The following KCNH5 variants were observed in gnomAD, a reference collection of about 807,000 sequenced individuals.
The protein encoded by KCNH5 is voltage-gated delayed rectifier potassium channel KCNH5.
In KCNH5, 46 loss-of-function variants were observed where a neutral mutation model predicts 96.1. The observed-to-expected ratio is 0.48, with a 90% CI of 0.38 to 0.61. The LOEUF (loss-of-function observed/expected upper bound fraction) is 0.61. Ranked by LOEUF, KCNH5 falls within the 20% of genes least tolerant of loss-of-function variation. The pLI is 0.00. For synonymous variants in KCNH5, 439 were observed against 449.8 expected (o/e 0.98, Z 0.30); for missense variants, 907 against 1,225.8 (o/e 0.74, Z 3.88).
At chr14:62,898,462 C>G (rs1888858955) in intron 7 of KCNH5, among the ~76,000 whole-genome samples, 1 of 151,860 alleles carries the variant, frequency 6.6e-6, no homozygotes, top group African/African-American at 2.4e-5. Context: ...AAAAGTCATT[C>G]TAAAGGAAAA....
rs1418614445 is a variant in KCNH5 at position 62,805,190 on chromosome 14, C to A, written c.1570-2609G>T. ...CATAGGACTTTCATTGTTTTCTATT[C>A]ATTTTGGTAATAGTCATGTTATTTC... On this transcript the variant is annotated intron_variant, in intron 8 of 10. Coordinates refer to ENST00000322893, the MANE Select transcript of KCNH5 (RefSeq NM_139318.5). Among the ~76,000 whole-genome samples the A allele has an allele frequency of 2.0e-5, 3 of 152,172 alleles. No homozygotes were observed. In the East Asian group the frequency reaches 5.8e-4, roughly 29 times the overall value.
At chr14:62,862,431 A>C (rs1204298090) in intron 7 of KCNH5, among the ~76,000 whole-genome samples, 2 of 152,156 alleles carry the variant, frequency 1.3e-5, no homozygotes. Context: ...ATCTTTGTTC[A>C]TACAGTTCCC....
At chr14:62,976,748 A>T (rs1343221833) in intron 6 of KCNH5, among the ~76,000 whole-genome samples, 2 of 152,218 alleles carry the variant, frequency 1.3e-5, no homozygotes, top group Non-Finnish European at 2.9e-5. Flanking sequence ...TTACTGGAGG[A>T]GTACAATGGC....
chr14:62,908,093 G>T (rs1388643927), intron 7 of KCNH5, among the ~76,000 whole-genome samples: 5 of 152,104 alleles, frequency 3.3e-5, no homozygotes, highest in Non-Finnish European at 7.4e-5. Flanking sequence ...TGTGGGTAAT[G>T]GATTCTACAT....
chr14:62,866,884 T>C (rs942099345), intron 7 of KCNH5, among the ~76,000 whole-genome samples: 1 of 152,204 alleles, frequency 6.6e-6, no homozygotes, highest in African/African-American at 2.4e-5. Context: ...TCCTAATTGA[T>C]ACTCTTGCAA....
intron 8 of KCNH5, 104 bp downstream of exon 8, chr14:62,849,549 A>G (rs1887763219): frequency 1.2e-6 from 1 of 869,418 alleles, no homozygotes; most frequent in Non-Finnish European, 1.9e-6. Context: ...ATACAGAATA[A>G]CAGTTACGAA....
At chr14:62,836,315 A>C (rs1346817010) in intron 8 of KCNH5, among the ~76,000 whole-genome samples, 1 of 152,186 alleles carries the variant, frequency 6.6e-6, no homozygotes, top group Non-Finnish European at 1.5e-5. Context: ...CCTAGTATTA[A>C]TCTGATATTC....
chr14:62,982,373 T>C (rs1890627393), intron 5 of KCNH5, among the ~76,000 whole-genome samples: 1 of 152,124 alleles, frequency 6.6e-6, no homozygotes, highest in African/African-American at 2.4e-5. Context: ...ACTTCTGCCC[T>C]GTGCCATCAA....
chr14:62,959,272 C>T (rs151242648), intron 6 of KCNH5, among the ~76,000 whole-genome samples: 4 of 152,232 alleles, frequency 2.6e-5, no homozygotes, highest in Non-Finnish European at 5.9e-5. Flanking sequence ...AAACTCCTGG[C>T]CCCACTGGAT....
intron 7 of KCNH5, among the ~76,000 whole-genome samples, chr14:62,928,290 T>C (rs1950571): frequency 0.71 from 107,639 of 151,850 alleles, 39,012 homozygotes; most frequent in East Asian, 0.99. Context: ...TTTGGTGAGG[T>C]GCTGAAAAAG....
intron 10 of KCNH5, among the ~76,000 whole-genome samples, chr14:62,750,046 T>C (rs899871662): frequency 6.6e-6 from 1 of 152,152 alleles, no homozygotes; most frequent in East Asian, 1.9e-4. Context: ...AAGGTGTCAA[T>C]GAACACTAAT....
chr14:62,990,556 CAG>C (rs977539017), intron 4 of KCNH5, among the ~76,000 whole-genome samples: 25 of 151,886 alleles, frequency 1.6e-4, no homozygotes, highest in African/African-American at 5.8e-4. Flanking sequence ...ATTTGAAAAA[CAG>C]AAAGAAAATG....
chr14:63,039,783 CT>C (rs1384488783), intron 1 of KCNH5, among the ~76,000 whole-genome samples: 1 of 151,544 alleles, frequency 6.6e-6, no homozygotes, highest in Non-Finnish European at 1.5e-5. Flanking sequence ...TAATACATAC[CT>C]TTTTTCATTT....
chr14:62,824,734 C>CT (rs1468688242), intron 8 of KCNH5, among the ~76,000 whole-genome samples: 1 of 152,058 alleles, frequency 6.6e-6, no homozygotes, highest in Non-Finnish European at 1.5e-5. Flanking sequence ...ACTGAGCACA[C>CT]TATCCAATAG....
rs1478141531 is a variant in KCNH5 at position 63,003,488 on chromosome 14, TATA to T, written c.305-2032_305-2030del. ...TTATATATATTATATATATTTTATA[TATA>T]TTATATATATATTTTATATATATTT... On this transcript the variant is annotated intron_variant, in intron 3 of 10. Transcript: ENST00000322893. Among the ~76,000 whole-genome samples, 671 of 127,548 alleles carry T rather than the reference TATA, an allele frequency of 5.3e-3. 11 individuals are homozygous for T. The highest frequency in any genetic ancestry group is 0.02 in the African/African-American group (631 of 31,710). 83.7% of individuals were successfully genotyped at this position (127,548 alleles called of 152,430 possible).
chr14:62,858,485 G>A (rs1051798239), intron 7 of KCNH5, among the ~76,000 whole-genome samples: 4 of 152,290 alleles, frequency 2.6e-5, no homozygotes, highest in East Asian at 3.9e-4. Flanking sequence ...GAAAGTGTGG[G>A]ACAATCACCC....
chr14:63,017,007 C>T, intron 1 of KCNH5, 53 bp from the exon 2 acceptor site: 18 of 1,552,994 alleles, frequency 1.2e-5, no homozygotes, highest in Non-Finnish European at 1.6e-5. Flanking sequence ...CAACAATGCA[C>T]TTATTTCAAG....
intron 7 of KCNH5, among the ~76,000 whole-genome samples, chr14:62,937,793 G>A (rs1442063111): frequency 6.6e-6 from 1 of 152,172 alleles, no homozygotes; most frequent in Non-Finnish European, 1.5e-5. Flanking sequence ...AGATCCAGAT[G>A]GAGTTGTTAA....
chr14:62,943,042 A>C (rs1889817794), intron 7 of KCNH5, among the ~76,000 whole-genome samples: 1 of 152,206 alleles, frequency 6.6e-6, no homozygotes, highest in African/African-American at 2.4e-5. Context: ...ATATTTAATA[A>C]TGTACTTAAC....
Sources: allele counts gnomAD v4.1 joint callset (sites outside exome capture counted in the v4.1 genomes callset), GRCh38; gene constraint gnomAD v4.1.1; transcripts MANE v1.5; gene names NCBI Gene and HGNC (gene_info 2026-07-23, HGNC 2026-07-21).